EIF2D: variants seen among roughly 807,000 people sequenced by gnomAD.
EIF2D encodes hepatocellular carcinoma-associated antigen 56.
In EIF2D, 56 loss-of-function variants were observed where a neutral mutation model predicts 77.4. The ratio of observed to expected loss-of-function variants is 0.72; its 90% confidence interval spans 0.58 to 0.90. EIF2D has a LOEUF of 0.90. Ranked by LOEUF, EIF2D falls within the 40% of genes least tolerant of loss-of-function variation. The pLI, the probability that EIF2D is intolerant of heterozygous loss-of-function variation, is 0.00. For synonymous variants in EIF2D, 230 were observed against 271.0 expected, an observed-to-expected ratio of 0.85 and a Z score of 1.49; for missense variants, 574 against 706.5, an observed-to-expected ratio of 0.81 and a Z score of 2.13.
chr1:206,601,499 A>T (rs1383135502), intron 7 of EIF2D: 1 of 152,208 alleles, frequency 6.6e-6, no homozygotes, highest in African/African-American at 2.4e-5. Context: ...TGAACCTGGG[A>T]GGCAGGGGTT....
At chr1:206,583,113 C>T in intron 2 of EIF2D, 1 of 576,452 alleles carries the variant, frequency 1.7e-6, no homozygotes, top group Non-Finnish European at 3.2e-6. Context: ...GCAATTTGAC[C>T]TCTCATTGTC....
intron 4 of EIF2D, among the ~76,000 whole-genome samples, chr1:206,577,203 G>T (rs1668688518): frequency 6.6e-6 from 1 of 152,156 alleles, no homozygotes; most frequent in Non-Finnish European, 1.5e-5. Context: ...AGACTGCGTG[G>T]CCTGCAAAAC....
Position 206,599,161 on chromosome 1 carries a change from A to T in EIF2D, c.1203-69T>A. On this transcript the variant is annotated intron_variant, in intron 10 of 14. Coordinates refer to ENST00000271764, the MANE Select transcript of EIF2D (RefSeq NM_006893.3). The surrounding 1 kb of genome is among the most constrained non-coding windows in gnomAD (Gnocchi z 4.1). Reference sequence around the variant, plus strand: ...ATGAGACAAAAATGCAGATGCCCAGACTCACTCCCTGCTGAGCAGGGAACT... The same window carrying T: ...ATGAGACAAAAATGCAGATGCCCAGTCTCACTCCCTGCTGAGCAGGGAACT... 6.9e-7 allele frequency: 1 copy of T among 1,443,264 alleles called. No individual in the cohort carries two copies. The allele number at this position is 1,443,264 out of a possible 1,614,324, so 89.4% of individuals were successfully genotyped here.
Position 206,584,648 on chromosome 1 carries a change from T to C in EIF2D, c.139-3486A>G. On this transcript the variant is annotated intron_variant and NMD_transcript_variant, in intron 2 of 5. Transcript: ENST00000472709. This position sits in a 1 kb window ranked among gnomAD's most constrained non-coding sequence, Gnocchi z 4.9. Reference sequence around the variant, plus strand: ...CATGGTTGTGGACAATCCCCAGAAGTTTGCACTTTTTAAGCGGATACACAA... The same window carrying C: ...CATGGTTGTGGACAATCCCCAGAAGCTTGCACTTTTTAAGCGGATACACAA... 1 of 1,614,002 alleles carries C rather than the reference T, an allele frequency of 6.2e-7. No homozygotes were observed. Among genetic ancestry groups the C allele is most frequent in the Non-Finnish European group, 8.5e-7 (1 of 1,179,988 alleles).
chr1:206,581,116 C>T (rs1220518203), exon 3 of EIF2D: 1 of 152,214 alleles, frequency 6.6e-6, no homozygotes, highest in African/African-American at 2.4e-5. Flanking sequence ...TTCTTACTAG[C>T]AGGGGACCAC....
At position 206,612,368 on chromosome 1, in the gene EIF2D, G is replaced by A. The variant is rs1553414266; in HGVS notation, c.-26C>T. 6.2e-7 allele frequency: 1 copy of A among 1,614,248 alleles called. No homozygotes were observed. Among genetic ancestry groups the A allele is most frequent in the Non-Finnish European group, 8.5e-7 (1 of 1,180,014 alleles). On this transcript the variant is annotated 5_prime_UTR_variant, in exon 1 of 15. Coordinates refer to ENST00000271764, the MANE Select transcript of EIF2D (RefSeq NM_006893.3). The stretch of plus-strand genomic sequence containing the variant: ...GTCTGCTGGGGTGGCCTGGGGAAGA[G>A]AGCACAGAAGCCAGGGAATGTCAAG...
chr1:206,583,894 A>G (rs949833739), intron 2 of EIF2D, among the ~76,000 whole-genome samples: 1 of 152,216 alleles, frequency 6.6e-6, no homozygotes, highest in Non-Finnish European at 1.5e-5. Flanking sequence ...TTTGGGGTTC[A>G]GCCAGATGGA....
rs782661144 is a variant in EIF2D, at chr1:206,602,989, C to G, written c.746G>C (p.Gly249Ala). The G allele has an allele frequency of 1.2e-6, 2 of 1,614,084 alleles. No homozygotes were observed. Among genetic ancestry groups the G allele is most frequent in the East Asian group, 2.2e-5 (1 of 44,870 alleles). Reference sequence around the variant, plus strand: ...GCTATCTGTGGAGTCTTGGTTCAGGCCCCTGGTGCTGGTGTCTTCTGGGGC... The same window carrying G: ...GCTATCTGTGGAGTCTTGGTTCAGGGCCCTGGTGCTGGTGTCTTCTGGGGC... ...SEAPEDTSTR[G>A]LNQDSTDSKT... Residue 249 changes from glycine (G) to alanine (A), a missense_variant, in exon 6 of 15, where the codon GGC becomes GCC. Coordinates refer to ENST00000271764, the MANE Select transcript of EIF2D (RefSeq NM_006893.3).
intron 4 of EIF2D, among the ~76,000 whole-genome samples, chr1:206,576,430 A>G (rs186850516): frequency 1.3e-5 from 2 of 152,368 alleles, no homozygotes. Flanking sequence ...AGAATGGAGT[A>G]AAGTGAGCAA....
chr1:206,597,206 A>T lies in EIF2D; in HGVS notation c.1293-11T>A, dbSNP rs781956564. ...TCCAATCTCACAAGACTAAAGGGAA[A>T]GAAGAGGCAATGAAGAAATCCTAGA... On this transcript the variant is annotated splice_polypyrimidine_tract_variant and intron_variant, in intron 11 of 14. Transcript: ENST00000271764. 3 of 1,604,648 alleles carry T rather than the reference A, an allele frequency of 1.9e-6. No homozygotes were observed. Among genetic ancestry groups the T allele is most frequent in the Non-Finnish European group, 2.6e-6 (3 of 1,171,552 alleles).
chr1:206,583,350 C>G, intron 2 of EIF2D: 1 of 1,613,398 alleles, frequency 6.2e-7, no homozygotes, highest in South Asian at 1.1e-5. Context: ...CTACAACACG[C>G]GAGAGAAGAA....
intron 4 of EIF2D, among the ~76,000 whole-genome samples, chr1:206,578,321 C>T (rs570133541): frequency 3.2e-4 from 49 of 151,660 alleles, no homozygotes; most frequent in African/African-American, 1.2e-3. Context: ...TGTAGGTTAG[C>T]TTTAACCTTC....
At chr1:206,609,498 A>G in intron 2 of EIF2D, 39 bp from the exon 3 acceptor site, 1 of 1,549,236 alleles carries the variant, frequency 6.5e-7, no homozygotes. Flanking sequence ...ACTACCAAAA[A>G]GCCAATCTTC....
chr1:206,611,777 T>C (rs150270242), intron 1 of EIF2D, among the ~76,000 whole-genome samples: 32 of 152,360 alleles, frequency 2.1e-4, no homozygotes, highest in African/African-American at 7.7e-4. Context: ...AAAGCACTGG[T>C]TACAAAATTC....
Position 206,599,627 on chromosome 1 carries a change from A to T in EIF2D, c.1053-15T>A. ...AAGATGTAATCCTAAAACCCAGCAG[A>T]AGGAAAGAAAAAACACATTTTATAC... On this transcript the variant is annotated splice_polypyrimidine_tract_variant and intron_variant, in intron 9 of 14. Coordinates refer to ENST00000271764, the MANE Select transcript of EIF2D (RefSeq NM_006893.3). The surrounding 1 kb of genome is among the most constrained non-coding windows in gnomAD (Gnocchi z 4.1). 6.3e-7 allele frequency: 1 copy of T among 1,599,984 alleles called. No homozygotes were observed. The highest frequency in any genetic ancestry group is 8.5e-7 in the Non-Finnish European group (1 of 1,173,218).
Position 206,575,410 on chromosome 1 carries a change from T to G in EIF2D, c.*255-2711A>C, listed in dbSNP as rs139228448. ...GGTGAATGGCTTCCGGGGTATTTTT[T>G]GTTTTGTTTTCTTGAGTTGTGTGTG... On this transcript the variant is annotated intron_variant and NMD_transcript_variant, in intron 4 of 5. Transcript: ENST00000472709. Among the ~76,000 whole-genome samples, 12 of 152,334 alleles carry G rather than the reference T, an allele frequency of 7.9e-5. No individual in the cohort carries two copies. In the East Asian group the frequency reaches 2.1e-3, roughly 27 times the overall value.
chr1:206,586,929 G>C (rs112969377), downstream of EIF2D: 2 of 1,614,192 alleles, frequency 1.2e-6, no homozygotes, highest in African/African-American at 1.3e-5. Context: ...GACAAGTTTA[G>C]GCAGAAACTG....
At chr1:206,587,284 A>G, downstream of EIF2D, 1 of 371,006 alleles carries the variant, frequency 2.7e-6, no homozygotes, top group Admixed American at 4.0e-5. Context: ...TCTCGTCACC[A>G]AACTGGAACC....
In EIF2D at chr1:206,579,333, C is replaced by T. The variant is rs111556326; in HGVS notation, c.*254+1359G>A. Among the ~76,000 whole-genome samples, 2,762 of 152,258 alleles carry T rather than the reference C, an allele frequency of 0.018. 86 individuals carry two copies. The highest frequency in any genetic ancestry group is 0.063 in the African/African-American group (2,614 of 41,524). The stretch of plus-strand genomic sequence containing the variant: ...TATTTGTTAAATCATAACAGAGTTC[C>T]CTATTCTGTCTCTATCTTGGGCCAC... On this transcript the variant is annotated intron_variant and NMD_transcript_variant, in intron 4 of 5. Transcript: ENST00000472709. The surrounding 1 kb of genome is among the most constrained non-coding windows in gnomAD (Gnocchi z 4.2).
Sources: allele counts gnomAD v4.1 joint callset (sites outside exome capture counted in the v4.1 genomes callset), GRCh38; gene constraint gnomAD v4.1.1; non-coding constraint Gnocchi (gnomAD v3.1); transcripts MANE v1.5; gene names NCBI Gene and HGNC (gene_info 2026-07-23, HGNC 2026-07-21).